The following CDKN3 variants were observed in gnomAD, a reference collection of about 807,000 sequenced individuals.
CDKN3 encodes cyclin-dependent kinase inhibitor 3.
In CDKN3, 19 loss-of-function variants were observed where a neutral mutation model predicts 36.1. The observed-to-expected ratio is 0.53, with a 90% CI of 0.37 to 0.77. The LOEUF is 0.77. Among genes scored for constraint, CDKN3 ranks in the 30% least tolerant of loss-of-function variants. The pLI, the probability that CDKN3 is intolerant of heterozygous loss-of-function variation, is 0.00. For missense variants in CDKN3, 188 were observed against 248.6 expected, an observed-to-expected ratio of 0.76 and a Z score of 1.64; for synonymous variants, 71 against 85.3, an observed-to-expected ratio of 0.83 and a Z score of 0.92.
At chr14:54,411,448 A>G (rs2030348443) in intron 4 of CDKN3, 36 bp from the exon 5 acceptor site, 1 of 1,482,054 alleles carries the variant, frequency 6.7e-7, no homozygotes, top group East Asian at 2.3e-5. Context: ...GATGTTTTCT[A>G]TGTGTGTGTG....
At chr14:54,413,920 G>T (rs1454558678) in intron 5 of CDKN3, 1 of 954,052 alleles carries the variant, frequency 1.0e-6, no homozygotes, top group Non-Finnish European at 1.4e-6. Context: ...GAGGATGTAA[G>T]TCCAAAATTA....
intron 6 of CDKN3, 104 bp downstream of exon 6, chr14:54,416,034 A>T: frequency 1.2e-6 from 1 of 867,658 alleles, no homozygotes. Flanking sequence ...GCAAAATATA[A>T]GTTTGCTAAG....
chr14:54,400,289 T>G (rs905339372), intron 2 of CDKN3, among the ~76,000 whole-genome samples: 1 of 150,412 alleles, frequency 6.6e-6, no homozygotes, highest in Non-Finnish European at 1.5e-5. Flanking sequence ...TAGAAGGAAG[T>G]AAGTAGGAAA....
At chr14:54,415,845 G>T in intron 5 of CDKN3, 54 bp from the exon 6 acceptor site, 1 of 1,359,880 alleles carries the variant, frequency 7.4e-7, no homozygotes, top group Non-Finnish European at 1.1e-6. Flanking sequence ...GTCTTTAGTT[G>T]TAACTAGGGA....
rs4251663 is a variant in CDKN3 at position 54,417,804 on chromosome 14, CTAGT to C, written c.449-41_449-38del. On this transcript the variant is annotated intron_variant, in intron 6 of 7. Coordinates refer to ENST00000335183, the MANE Select transcript of CDKN3 (RefSeq NM_005192.4). ...AAATATAAAATGCTGTACCCTGTCACTAGTTATTTAATAACATATTATTTTTCTG... is the reference window on the plus strand; with the variant it reads ...AAATATAAAATGCTGTACCCTGTCACTATTTAATAACATATTATTTTTCTG... 4.4e-3 allele frequency: 4,662 copies of C among 1,060,084 alleles called. 133 individuals are homozygous for C. In the African/African-American group the frequency reaches 0.064, roughly 15 times the overall value. 65.7% of individuals were successfully genotyped at this position (1,060,084 alleles called of 1,614,324 possible).
intron 1 of CDKN3, among the ~76,000 whole-genome samples, chr14:54,398,772 A>T (rs1343613744): frequency 6.6e-6 from 1 of 152,064 alleles, no homozygotes; most frequent in East Asian, 1.9e-4. Context: ...TACGAAGTCT[A>T]TCTCAATCTC....
At chr14:54,407,042 C>G (rs2030184388) in intron 3 of CDKN3, among the ~76,000 whole-genome samples, 1 of 152,166 alleles carries the variant, frequency 6.6e-6, no homozygotes, top group South Asian at 2.1e-4. Flanking sequence ...GGCGTCCTTT[C>G]CGTTGATGTT....
At chr14:54,407,315 G>A (rs1419191638) in intron 3 of CDKN3, among the ~76,000 whole-genome samples, 5 of 152,336 alleles carry the variant, frequency 3.3e-5, no homozygotes, top group Middle Eastern at 3.4e-3. Flanking sequence ...GTTAGGAGGC[G>A]CGGGGTTCAG....
chr14:54,405,105 A>G (rs574173452), intron 3 of CDKN3, among the ~76,000 whole-genome samples: 1 of 152,130 alleles, frequency 6.6e-6, no homozygotes, highest in East Asian at 1.9e-4. Flanking sequence ...TAATTTACCC[A>G]GTAGTCAGGG....
chr14:54,413,863 A>G (rs1193280234), intron 5 of CDKN3: 1 of 1,346,330 alleles, frequency 7.4e-7, no homozygotes, highest in Non-Finnish European at 9.6e-7. Context: ...AAAGTACCAC[A>G]AACCAGGTAG....
intron 5 of CDKN3, among the ~76,000 whole-genome samples, chr14:54,412,395 T>A (rs1594606767): frequency 9.0e-6 from 1 of 110,550 alleles, no homozygotes; most frequent in African/African-American, 3.3e-5. Context: ...AAAAAAAAAA[T>A]AAAGAAAGTC....
chr14:54,406,986 G>A (rs1240219341), intron 3 of CDKN3, among the ~76,000 whole-genome samples: 1 of 152,094 alleles, frequency 6.6e-6, no homozygotes, highest in Non-Finnish European at 1.5e-5. Context: ...ATTTATCTAC[G>A]TTTGGTCTTT....
rs113342693 is a variant in CDKN3, at chr14:54,398,987, C to CTTTTTTTTTT, written c.10-898_10-889dup. On this transcript the variant is annotated intron_variant, in intron 1 of 7. Coordinates refer to ENST00000335183, the MANE Select transcript of CDKN3 (RefSeq NM_005192.4). ...TTCTTTCCTTTCTTTTTTCTTCTTC[C>CTTTTTTTTTT]TTTTTTTTTTTTTTTTTTGGCAGAG... Among the ~76,000 whole-genome samples, 101 of 109,234 alleles carry CTTTTTTTTTT rather than the reference C, an allele frequency of 9.2e-4. 2 individuals are homozygous for CTTTTTTTTTT. Among genetic ancestry groups the CTTTTTTTTTT allele is most frequent in the Non-Finnish European group, 1.1e-3 (65 of 56,768 alleles). The allele number at this position is 109,234 out of a possible 152,430, so 71.7% of individuals were successfully genotyped here. A position where few individuals can be genotyped will look rare whatever the true frequency, so the allele number is the denominator to read the frequency against.
intron 7 of CDKN3, among the ~76,000 whole-genome samples, chr14:54,419,107 G>A (rs867866408): frequency 2.0e-5 from 3 of 150,428 alleles, no homozygotes; most frequent in East Asian, 2.0e-4. Flanking sequence ...GCAGTGAACC[G>A]AGATCACACC....
chr14:54,397,256 G>A (rs1886333304), intron 1 of CDKN3, among the ~76,000 whole-genome samples, 179 bp downstream of exon 1: 1 of 152,282 alleles, frequency 6.6e-6, no homozygotes, highest in African/African-American at 2.4e-5. Flanking sequence ...AGAGACGAAG[G>A]AGCAGGGTCG....
At chr14:54,402,373 CA>C (rs1744990588) in intron 3 of CDKN3, among the ~76,000 whole-genome samples, 1 of 150,834 alleles carries the variant, frequency 6.6e-6, no homozygotes, top group Admixed American at 6.6e-5. Flanking sequence ...TTATACTTTA[CA>C]ACCCCACTTT....
At chr14:54,416,777 T>G (rs953577343) in intron 6 of CDKN3, among the ~76,000 whole-genome samples, 1 of 152,166 alleles carries the variant, frequency 6.6e-6, no homozygotes, top group Non-Finnish European at 1.5e-5. Context: ...TTTACACCAC[T>G]GCACTCCAGC....
intron 5 of CDKN3, chr14:54,414,000 G>A: frequency 4.2e-6 from 1 of 237,950 alleles, no homozygotes; most frequent in South Asian, 9.6e-5. Flanking sequence ...GCTTCTGGTG[G>A]TGGCCATCAA....
chr14:54,411,612 A>T lies in CDKN3; in HGVS notation c.322A>T (p.Ile108Phe). 6.2e-7 allele frequency: 1 copy of T among 1,612,978 alleles called. No homozygotes were observed. Among genetic ancestry groups the T allele is most frequent in the Non-Finnish European group, 8.5e-7 (1 of 1,178,932 alleles). Residue 108 changes from isoleucine (I) to phenylalanine (F), a missense_variant, in exon 5 of 8, where the codon ATC becomes TTC. Transcript: ENST00000335183. ...TGGAATTATCACCCATCATCATCCA[A>T]TCGCAGATGGAGGGACTCCTGACAT... The part of the protein sequence containing the change: ...QCGIITHHHP[I>F]ADGGTPDIAS...
Sources: gnomAD v4.1 joint callset for allele counts (sites outside exome capture counted in the v4.1 genomes callset) on GRCh38, gnomAD v4.1.1 for gene constraint, MANE v1.5 for transcripts, NCBI Gene and HGNC (gene_info 2026-07-23, HGNC 2026-07-21) for gene names.